FRMPD1: variants seen among roughly 807,000 people sequenced by gnomAD.
FRMPD1 encodes the protein FERM and PDZ domain-containing protein 1.
FRMPD1 carries 76 observed loss-of-function variants against 117.8 expected under a neutral mutation model. That is an observed-to-expected ratio of 0.65 (90% CI 0.54 to 0.78). The LOEUF (loss-of-function observed/expected upper bound fraction) is 0.78, where lower values mean the gene tolerates loss of function less well. Among genes scored for constraint, FRMPD1 ranks in the 30% least tolerant of loss-of-function variants. The pLI is 0.00. For synonymous variants in FRMPD1, 783 were observed against 770.4 expected (o/e 1.02, Z -0.27); for missense variants, 1,786 against 1,964.5 (o/e 0.91, Z 1.72).
At chr9:37,709,952 C>T (rs1822848546) in intron 4 of FRMPD1, among the ~76,000 whole-genome samples, 1 of 152,210 alleles carries the variant, frequency 6.6e-6, no homozygotes, top group Non-Finnish European at 1.5e-5. Context: ...CATCTGTACC[C>T]TCTGCTGTCT....
intron 15 of FRMPD1, among the ~76,000 whole-genome samples, chr9:37,742,357 C>G (rs1289036375): frequency 6.6e-6 from 1 of 152,224 alleles, no homozygotes; most frequent in Non-Finnish European, 1.5e-5. Flanking sequence ...GGAGTCTAGT[C>G]AGGAACATAT....
intron 1 of FRMPD1, among the ~76,000 whole-genome samples, chr9:37,677,712 G>A (rs753776386): frequency 3.3e-5 from 5 of 152,218 alleles, no homozygotes; most frequent in Non-Finnish European, 5.9e-5. Flanking sequence ...CACTGTGAAA[G>A]CTTGGAAGGA....
In FRMPD1 at chr9:37,700,094, G is replaced by C. The variant is rs549899016; in HGVS notation, c.102-7322G>C. Among the ~76,000 whole-genome samples, 6 of 152,242 alleles carry C rather than the reference G, an allele frequency of 3.9e-5. 1 individual carries two copies. Among genetic ancestry groups the C allele is most frequent in the African/African-American group, 1.4e-4 (6 of 41,532 alleles). ...TCTAATACTATTAATGGTGTAGAAA[G>C]ACCCTTTTAGGCAACAATTTTTTTT... On this transcript the variant is annotated intron_variant, in intron 2 of 15. Transcript: ENST00000377765.
the FRMPD1 span, among the ~76,000 whole-genome samples, chr9:37,636,469 C>A: frequency 6.6e-6 from 1 of 152,156 alleles, no homozygotes; most frequent in African/African-American, 2.4e-5. Flanking sequence ...AGGCCCCCGC[C>A]CTGCCTGGCC....
At chr9:37,650,687 C>T (rs1451774238), upstream of FRMPD1, among the ~76,000 whole-genome samples, 1 of 152,146 alleles carries the variant, frequency 6.6e-6, no homozygotes, top group African/African-American at 2.4e-5. Flanking sequence ...CAGTCTCCCC[C>T]CTGGGTACTC....
intron 6 of FRMPD1, among the ~76,000 whole-genome samples, chr9:37,722,324 GA>G (rs1186820477): frequency 6.6e-6 from 1 of 151,778 alleles, no homozygotes; most frequent in African/African-American, 2.4e-5. Context: ...AAAAAAGAGA[GA>G]GATGATTGTG....
intron 2 of FRMPD1, among the ~76,000 whole-genome samples, chr9:37,700,909 T>C (rs533978231): frequency 1.3e-5 from 2 of 152,204 alleles, no homozygotes; most frequent in African/African-American, 4.8e-5. Context: ...GTTTGATATT[T>C]ATAAGATGCT....
the FRMPD1 span, among the ~76,000 whole-genome samples, chr9:37,632,798 C>T: frequency 6.6e-6 from 1 of 151,726 alleles, no homozygotes; most frequent in African/African-American, 2.4e-5. Flanking sequence ...GCCCTCAAAT[C>T]ACATAGATAA....
rs1287251904 is a variant in FRMPD1 at position 37,745,314 on chromosome 9, G to T, written c.3282G>T (p.Lys1094Asn). The change falls in exon 16 of 16, where the codon AAG becomes AAT. Residue 1094 changes from lysine to asparagine, a missense_variant. Lys to Asn is a moderately conservative substitution (Grantham distance 94, BLOSUM62 0). Coordinates refer to ENST00000377765, the MANE Select transcript of FRMPD1 (RefSeq NM_014907.3). ...SDECGINPGEKIASIPTKEEP... is the reference protein window; with the variant it reads ...SDECGINPGENIASIPTKEEP... Reference sequence around the variant, plus strand: ...AATGTGGAATAAATCCAGGAGAGAAGATAGCTTCTATCCCTACAAAGGAAG... The same window carrying T: ...AATGTGGAATAAATCCAGGAGAGAATATAGCTTCTATCCCTACAAAGGAAG... 6.2e-7 allele frequency: 1 copy of T among 1,611,524 alleles called. No homozygotes were observed. The highest frequency in any genetic ancestry group is 1.1e-5 in the South Asian group (1 of 91,036).
At chr9:37,709,373 A>C (rs1822828547) in intron 4 of FRMPD1, among the ~76,000 whole-genome samples, 1 of 142,174 alleles carries the variant, frequency 7.0e-6, no homozygotes, top group African/African-American at 2.7e-5. Flanking sequence ...TTTTTTTTTG[A>C]GATGGGGACT....
intron 2 of FRMPD1, among the ~76,000 whole-genome samples, chr9:37,705,218 AT>A (rs1454606283): frequency 6.6e-6 from 1 of 152,148 alleles, no homozygotes; most frequent in Non-Finnish European, 1.5e-5. Context: ...CAAAAAAAAA[AT>A]AATAAGGTGG....
At chr9:37,714,647 CTTATT>C (rs200306006) in intron 5 of FRMPD1, among the ~76,000 whole-genome samples, 42,981 of 142,194 alleles carry the variant, frequency 0.3, 6,579 homozygotes, top group East Asian at 0.49. Context: ...TTTATTTTAT[CTTATT>C]TTATTTATTT....
intron 5 of FRMPD1, among the ~76,000 whole-genome samples, chr9:37,717,369 G>GTGTGTGTGTATATA (rs1407798527): frequency 0.034 from 3,145 of 93,796 alleles, 47 homozygotes; most frequent in Non-Finnish European, 0.051. Flanking sequence ...GTGTGTGTGT[G>GTGTGTGTGTATATA]TATATATATA....
chr9:37,624,731 G>A, the FRMPD1 span, among the ~76,000 whole-genome samples: 3 of 152,312 alleles, frequency 2.0e-5, no homozygotes, highest in African/African-American at 7.2e-5. Context: ...GTGAATCACT[G>A]AAAAGATGTG....
chr9:37,637,292 A>AAC, the FRMPD1 span: 1 of 1,501,634 alleles, frequency 6.7e-7, no homozygotes, highest in Non-Finnish European at 9.3e-7. Flanking sequence ...TCCGGGGTTC[A>AAC]TGGCGGCGGC....
chr9:37,642,617 G>A, the FRMPD1 span, among the ~76,000 whole-genome samples: 2 of 152,082 alleles, frequency 1.3e-5, no homozygotes, highest in African/African-American at 4.8e-5. Flanking sequence ...GACGATTTGT[G>A]GGATCCATAA....
intron 14 of FRMPD1, among the ~76,000 whole-genome samples, chr9:37,738,223 C>A (rs1452393359): frequency 6.6e-6 from 1 of 152,212 alleles, no homozygotes; most frequent in African/African-American, 2.4e-5. Context: ...AATAGCACAC[C>A]ACTGTAGAGT....
At chr9:37,642,179 A>C in the FRMPD1 span, among the ~76,000 whole-genome samples, 1 of 152,230 alleles carries the variant, frequency 6.6e-6, no homozygotes, top group Non-Finnish European at 1.5e-5. Flanking sequence ...TGACTCAATC[A>C]CCAACACCAG....
chr9:37,678,944 C>A (rs531711007), intron 1 of FRMPD1, among the ~76,000 whole-genome samples: 2 of 152,338 alleles, frequency 1.3e-5, no homozygotes, highest in African/African-American at 4.8e-5. Context: ...CTGTGGTCCT[C>A]ATCAGCCTTT....
Sources: gnomAD v4.1 joint callset for allele counts (sites outside exome capture counted in the v4.1 genomes callset) on GRCh38, gnomAD v4.1.1 for gene constraint, MANE v1.5 for transcripts, NCBI Gene and HGNC (gene_info 2026-07-23, HGNC 2026-07-21) for gene names.